The following RAB3GAP2 variants were observed in gnomAD, a reference collection of about 807,000 sequenced individuals.
RAB3GAP2 encodes rab3 GTPase-activating protein non-catalytic subunit.
Under a neutral mutation model 185.3 loss-of-function variants are expected in RAB3GAP2, and 87 were observed. The observed-to-expected ratio is 0.47, with a 90% CI of 0.39 to 0.56. The LOEUF is 0.56. Ranked by LOEUF, RAB3GAP2 falls within the 20% of genes least tolerant of loss-of-function variation. RAB3GAP2 has a pLI of 0.00. For synonymous variants in RAB3GAP2, 554 were observed against 576.1 expected, an observed-to-expected ratio of 0.96 and a Z score of 0.55; for missense variants, 1,492 against 1,638.2, an observed-to-expected ratio of 0.91 and a Z score of 1.54.
Position 220,172,230 on chromosome 1 carries a change from A to C in RAB3GAP2, c.2417-181T>G, listed in dbSNP as rs73098558. Among the ~76,000 whole-genome samples, 19,770 of 152,242 alleles carry C rather than the reference A, an allele frequency of 0.13. 1,385 individuals carry two copies. The highest frequency in any genetic ancestry group is 0.19 in the South Asian group (917 of 4,826). ...AACATTTATATTCCATTTATTTATG[A>C]TCTTTTAGTCATCTTTGTTCTGAAT... On this transcript the variant is annotated intron_variant, in intron 22 of 34. Transcript: ENST00000358951.
At chr1:220,160,881 T>C (rs1015001294) in intron 28 of RAB3GAP2, among the ~76,000 whole-genome samples, 1 of 152,196 alleles carries the variant, frequency 6.6e-6, no homozygotes, top group African/African-American at 2.4e-5. Flanking sequence ...ATAACTTCCA[T>C]TGGTTCAACC....
intron 1 of RAB3GAP2, chr1:220,253,743 G>A (rs765541875): frequency 1.8e-5 from 29 of 1,611,574 alleles, no homozygotes; most frequent in Admixed American, 5.0e-5. Flanking sequence ...AGTGGGTTCC[G>A]GAGAGCAGAG....
At chr1:220,191,690 T>C (rs1254239100) in intron 13 of RAB3GAP2, among the ~76,000 whole-genome samples, 1 of 151,920 alleles carries the variant, frequency 6.6e-6, no homozygotes, top group African/African-American at 2.4e-5. Context: ...TGGCGGCGCA[T>C]GCCTGTAATC....
chr1:220,195,419 CA>C, intron 10 of RAB3GAP2, 42 bp from the exon 11 acceptor site: 1 of 1,486,938 alleles, frequency 6.7e-7, no homozygotes, highest in Non-Finnish European at 9.4e-7. Flanking sequence ...TAGTAGCTTA[CA>C]AAGAAACAAA....
chr1:220,264,499 C>T (rs977184624), intron 1 of RAB3GAP2, among the ~76,000 whole-genome samples: 1 of 151,904 alleles, frequency 6.6e-6, no homozygotes, highest in Non-Finnish European at 1.5e-5. Flanking sequence ...TTCACAGGTA[C>T]ATGTGGAAAA....
chr1:220,190,093 G>A lies in RAB3GAP2; in HGVS notation c.1685C>T (p.Ala562Val), dbSNP rs749619692. ...KDMHLVKKLA[A>V]LLKTKSPNLD... is the part of the protein sequence containing the mutation. ...ATTGGGAGATTTTGTTTTCAGTAAGGCTGCTAGTTTCTTCACTAGGTGCAT... is the reference window on the plus strand; with the variant it reads ...ATTGGGAGATTTTGTTTTCAGTAAGACTGCTAGTTTCTTCACTAGGTGCAT... The change falls in exon 16 of 35, where the codon GCC (alanine) becomes GTC (valine). Residue 562 changes from alanine to valine, a missense_variant. This residue lies in a region of RAB3GAP2 where 681 missense variants were observed against 689.1 expected (regional missense o/e 0.99). Transcript: ENST00000358951. The A allele has an allele frequency of 1.2e-6, 2 of 1,613,386 alleles. No individual in the cohort carries two copies. Among genetic ancestry groups the A allele is most frequent in the Non-Finnish European group, 1.7e-6 (2 of 1,179,466 alleles).
chr1:220,173,755 A>T (rs965155489), intron 21 of RAB3GAP2, among the ~76,000 whole-genome samples: 1 of 152,046 alleles, frequency 6.6e-6, no homozygotes, highest in African/African-American at 2.4e-5. Flanking sequence ...ACTAAAATTG[A>T]CACACCTGTA....
chr1:220,206,673 C>G (rs1658974733), intron 7 of RAB3GAP2, among the ~76,000 whole-genome samples: 4 of 152,310 alleles, frequency 2.6e-5, no homozygotes. Flanking sequence ...TTCAATGACT[C>G]TCTTCTGCAT....
chr1:220,202,099 A>C (rs1287270689), intron 9 of RAB3GAP2, among the ~76,000 whole-genome samples, 177 bp downstream of exon 9: 1 of 152,078 alleles, frequency 6.6e-6, no homozygotes, highest in Non-Finnish European at 1.5e-5. Flanking sequence ...TGGAAGGTGG[A>C]GGTTGCAGTG....
rs758755032 is a variant in RAB3GAP2, at chr1:220,200,635, A to G, written c.811+1641T>C. The stretch of plus-strand genomic sequence containing the variant: ...TTCAATGTTCCAAAGTTTAATTAAC[A>G]GAGCAGGGAAGCTACCCTGAACTGA... On this transcript the variant is annotated intron_variant, in intron 9 of 34. Transcript: ENST00000358951. 4 of 526,672 alleles carry G rather than the reference A, an allele frequency of 7.6e-6. No homozygotes were observed. The African/African-American group carries it at 7.7e-5, about 10-fold the overall frequency. The allele number at this position is 526,672 out of a possible 1,614,324, so 32.6% of individuals were successfully genotyped here.
At chr1:220,197,160 G>T (rs968021513) in intron 9 of RAB3GAP2, among the ~76,000 whole-genome samples, 2 of 151,862 alleles carry the variant, frequency 1.3e-5, no homozygotes, top group Non-Finnish European at 2.9e-5. Context: ...GCTAATTTTT[G>T]TATTTTTAGT....
At chr1:220,214,091 C>T in intron 2 of RAB3GAP2, 112 bp from the exon 3 acceptor site, 1 of 1,058,262 alleles carries the variant, frequency 9.4e-7, no homozygotes, top group South Asian at 1.4e-5. Context: ...GAAATATTTC[C>T]AATTCTCATA....
At chr1:220,214,401 CTG>C (rs1659144963) in intron 2 of RAB3GAP2, among the ~76,000 whole-genome samples, 1 of 152,072 alleles carries the variant, frequency 6.6e-6, no homozygotes, top group African/African-American at 2.4e-5. Context: ...CGGCGCGTGC[CTG>C]TAATCCCAGC....
chr1:220,148,637 T>C lies in RAB3GAP2; in HGVS notation c.*2614A>G, dbSNP rs1400513217. ...AGTGTAAGTCTCATATTATTAAATTTCAGATTTTTGACTTTTTAGATCGCA... is the reference window on the plus strand; with the variant it reads ...AGTGTAAGTCTCATATTATTAAATTCCAGATTTTTGACTTTTTAGATCGCA... On this transcript the variant is annotated 3_prime_UTR_variant, in exon 35 of 35. Coordinates refer to ENST00000358951, the MANE Select transcript of RAB3GAP2 (RefSeq NM_012414.4). 5 of 152,208 alleles carry C rather than the reference T, an allele frequency of 3.3e-5. No homozygotes were observed. The highest frequency in any genetic ancestry group is 7.3e-5 in the Non-Finnish European group (5 of 68,030). The allele number at this position is 152,208 out of a possible 1,614,324, so 9.4% of individuals were successfully genotyped here. A position where few individuals can be genotyped will look rare whatever the true frequency, so the allele number is the denominator to read the frequency against.
intron 1 of RAB3GAP2, among the ~76,000 whole-genome samples, chr1:220,236,095 G>T (rs1308556924): frequency 6.6e-6 from 1 of 152,204 alleles, no homozygotes; most frequent in Non-Finnish European, 1.5e-5. Flanking sequence ...TACTATGAGA[G>T]AATGCATTCC....
intron 28 of RAB3GAP2, among the ~76,000 whole-genome samples, chr1:220,161,788 TA>T (rs1657967919): frequency 6.6e-6 from 1 of 152,162 alleles, no homozygotes; most frequent in African/African-American, 2.4e-5. Flanking sequence ...AAATAAGATC[TA>T]GCCATGATAG....
intron 1 of RAB3GAP2, among the ~76,000 whole-genome samples, chr1:220,242,376 C>T (rs1157994962): frequency 6.6e-6 from 1 of 151,994 alleles, no homozygotes. Flanking sequence ...AAATATATTA[C>T]TCATTCCCTG....
intron 1 of RAB3GAP2, among the ~76,000 whole-genome samples, chr1:220,268,207 T>G (rs758512757): frequency 9.9e-5 from 15 of 152,230 alleles, no homozygotes; most frequent in Non-Finnish European, 2.2e-4. Context: ...TTACCTGCTC[T>G]GCTAATGTCA....
intron 2 of RAB3GAP2, among the ~76,000 whole-genome samples, chr1:220,222,406 A>G (rs1219603133): frequency 6.6e-6 from 1 of 152,182 alleles, no homozygotes; most frequent in East Asian, 1.9e-4. Context: ...CACACATAGC[A>G]TGAAAAGTAC....
Sources: allele counts gnomAD v4.1 joint callset (sites outside exome capture counted in the v4.1 genomes callset), GRCh38; gene constraint gnomAD v4.1.1; regional missense constraint gnomAD v4.1.1; transcripts MANE v1.5; gene names NCBI Gene and HGNC (gene_info 2026-07-23, HGNC 2026-07-21).